Variants in ANLN observed in about 807,000 individuals in gnomAD.
The protein encoded by ANLN is anillin, actin binding protein, also known as anillin.
ANLN carries 59 observed loss-of-function variants against 135.1 expected under a neutral mutation model. The observed-to-expected ratio is 0.44, with a 90% CI of 0.35 to 0.54. ANLN has a LOEUF of 0.54. ANLN is among the 20% of genes least tolerant of loss of function. The pLI, the probability that ANLN is intolerant of heterozygous loss-of-function variation, is 0.00. For missense variants in ANLN, 1,182 were observed against 1,340.0 expected (o/e 0.88, Z 1.84); for synonymous variants, 406 against 456.4 (o/e 0.89, Z 1.41).
In ANLN at chr7:36,412,325, ATATTTT is replaced by A. The variant is rs1242772679; in HGVS notation, c.1395+1161_1395+1166del. On this transcript the variant is annotated intron_variant, in intron 7 of 23. Transcript: ENST00000265748. ...CAGAGAAATATATATATATATATATATATTTTTTTTTTTTTTTTTTGACATGGAGTT... is the reference window on the plus strand; with the variant it reads ...CAGAGAAATATATATATATATATATATTTTTTTTTTTTTTGACATGGAGTT... 6.4e-5 allele frequency among the ~76,000 whole-genome samples: 7 copies of A among 109,604 alleles called. 1 individual carries two copies. The highest frequency in any genetic ancestry group is 2.8e-4 in the South Asian group (1 of 3,590). 71.9% of individuals were successfully genotyped at this position (109,604 alleles called of 152,430 possible).
At chr7:36,430,089 T>C (rs1583638766) in intron 20 of ANLN, among the ~76,000 whole-genome samples, 1 of 152,210 alleles carries the variant, frequency 6.6e-6, no homozygotes, top group African/African-American at 2.4e-5. Flanking sequence ...TAGGAGAATA[T>C]CTAAAATAGT....
chr7:36,438,176 C>T (rs958597479), intron 20 of ANLN, among the ~76,000 whole-genome samples: 1 of 152,138 alleles, frequency 6.6e-6, no homozygotes, highest in Non-Finnish European at 1.5e-5. Context: ...GGTGAAGGTC[C>T]ACCATCACTC....
chr7:36,391,128 A>G (rs1188646995), intron 1 of ANLN, among the ~76,000 whole-genome samples: 4 of 152,186 alleles, frequency 2.6e-5, no homozygotes, highest in Non-Finnish European at 5.9e-5. Flanking sequence ...TCTGTTTCAA[A>G]TTCTTAATCA....
chr7:36,419,030 T>G (rs890511784), intron 9 of ANLN, among the ~76,000 whole-genome samples: 1 of 152,244 alleles, frequency 6.6e-6, no homozygotes, highest in African/African-American at 2.4e-5. Context: ...GTGCTGGGAT[T>G]ACCAATATTC....
At chr7:36,432,433 C>T (rs748629989) in intron 20 of ANLN, among the ~76,000 whole-genome samples, 64 of 152,192 alleles carry the variant, frequency 4.2e-4, no homozygotes, top group Non-Finnish European at 8.8e-4. Context: ...AGATCCTTCA[C>T]CTTCCTTTAA....
At chr7:36,442,788 C>T (rs770337099) in intron 21 of ANLN, among the ~76,000 whole-genome samples, 1 of 151,944 alleles carries the variant, frequency 6.6e-6, no homozygotes, top group Non-Finnish European at 1.5e-5. Context: ...CTCACCGCCA[C>T]GCCTGGCTAA....
At chr7:36,442,887 C>T (rs1788833359) in intron 21 of ANLN, among the ~76,000 whole-genome samples, 1 of 151,880 alleles carries the variant, frequency 6.6e-6, no homozygotes, top group Non-Finnish European at 1.5e-5. Flanking sequence ...GCCTCGGCCT[C>T]CCAAAGTGCT....
intron 1 of ANLN, 97 bp from the exon 2 acceptor site, chr7:36,396,169 T>G (rs887681631): frequency 9.4e-7 from 1 of 1,065,884 alleles, no homozygotes; most frequent in African/African-American, 1.6e-5. Flanking sequence ...TGTTTAACTG[T>G]CATCCTGTAT....
At position 36,426,576 on chromosome 7, in the gene ANLN, C is replaced by T. The variant is rs541680160; in HGVS notation, c.2771-340C>T. On this transcript the variant is annotated intron_variant, in intron 19 of 23. Coordinates refer to ENST00000265748, the MANE Select transcript of ANLN (RefSeq NM_018685.5). Reference sequence around the variant, plus strand: ...TGGTGCAAGAGAGTTACTAAGAGACCTGTACAGAGATAGTTTCTGCTGCTG... The same window carrying T: ...TGGTGCAAGAGAGTTACTAAGAGACTTGTACAGAGATAGTTTCTGCTGCTG... 1.4e-4 allele frequency among the ~76,000 whole-genome samples: 22 copies of T among 152,170 alleles called. No homozygotes were observed. In the South Asian group the frequency reaches 3.7e-3, roughly 26 times the overall value.
At chr7:36,431,617 A>ATATATATATATATATATATAT (rs141380630) in intron 20 of ANLN, among the ~76,000 whole-genome samples, 7 of 67,364 alleles carry the variant, frequency 1.0e-4, no homozygotes, top group East Asian at 4.0e-4. Flanking sequence ...ATATATATAT[A>ATATATATATATATATATATAT]ATATATATAT....
chr7:36,407,107 G>C lies in ANLN; in HGVS notation c.873+541G>C, dbSNP rs62445297. Among the ~76,000 whole-genome samples the C allele has an allele frequency of 2.6e-5, 4 of 152,106 alleles. 1 individual carries two copies. The South Asian group carries it at 8.3e-4, about 32-fold the overall frequency. On this transcript the variant is annotated intron_variant, in intron 4 of 23. Transcript: ENST00000265748. Reference sequence around the variant, plus strand: ...TTAAATAAAAAGGAAAAATAATTTCGTGTTTCTGACCATTGTCTTTTAGTG... The same window carrying C: ...TTAAATAAAAAGGAAAAATAATTTCCTGTTTCTGACCATTGTCTTTTAGTG...
chr7:36,390,022 G>A lies in ANLN; in HGVS notation c.-5G>A, dbSNP rs1424457329. ...CCATCGTCTCGTAGTCCGACGCCTG[G>A]GGCGATGGATCCGTTTACGGAGGTG... On this transcript the variant is annotated 5_prime_UTR_variant, in exon 1 of 24. Coordinates refer to ENST00000265748, the MANE Select transcript of ANLN (RefSeq NM_018685.5). The A allele has an allele frequency of 6.2e-7, 1 of 1,613,956 alleles. No homozygotes were observed. The highest frequency in any genetic ancestry group is 8.5e-7 in the Non-Finnish European group (1 of 1,179,978).
Position 36,399,204 on chromosome 7 carries a change from C to A in ANLN, c.298C>A (p.Pro100Thr), listed in dbSNP as rs1583594340. The A allele has an allele frequency of 6.2e-7, 1 of 1,614,124 alleles. No individual in the cohort carries two copies. Among genetic ancestry groups the A allele is most frequent in the East Asian group, 2.2e-5 (1 of 44,870 alleles). ...STSAKSCSPS[P>T]VSPQVQPQAA... ...ATCTGCAAAATCTTGTTCTCCAAGTCCTGTGTCTCCTCAGGTGCAGCCACA... is the reference window on the plus strand; with the variant it reads ...ATCTGCAAAATCTTGTTCTCCAAGTACTGTGTCTCCTCAGGTGCAGCCACA... The change falls in exon 3 of 24, where the codon CCT (proline) becomes ACT (threonine). Residue 100 changes from proline to threonine, a missense_variant. Physicochemically the swap from Pro to Thr is conservative, Grantham distance 38 (BLOSUM62 -1). Around this residue, in one of 3 missense-constraint regions of ANLN, gnomAD observed 1,022 missense variants for 1,134.0 expected, o/e 0.90. Coordinates refer to ENST00000265748, the MANE Select transcript of ANLN (RefSeq NM_018685.5).
rs376939835 is a variant in ANLN, at chr7:36,426,965, C to T, written c.2820C>T (p.Ala940=). The change falls in exon 20 of 24, where the codon GCC becomes GCT. Residue 940 remains alanine, a synonymous_variant. Coordinates refer to ENST00000265748, the MANE Select transcript of ANLN (RefSeq NM_018685.5). The part of the protein sequence containing the change: ...GLSAVRTSNF[A]LVGSYTLSLS... ...GTGCTGTGCGAACCAGCAACTTCGC[C>T]CTTGTTGGATCTTACACATTATCAT... The T allele has an allele frequency of 4.3e-6, 7 of 1,613,298 alleles. No individual in the cohort carries two copies. Among genetic ancestry groups the T allele is most frequent in the African/African-American group, 1.3e-5 (1 of 74,828 alleles).
intron 1 of ANLN, among the ~76,000 whole-genome samples, chr7:36,391,533 G>A (rs1300494987): frequency 1.3e-5 from 2 of 152,200 alleles, no homozygotes; most frequent in Non-Finnish European, 2.9e-5. Context: ...TGGAAAAACA[G>A]CTTAGACGTC....
At chr7:36,401,647 T>C (rs1786958669) in intron 3 of ANLN, among the ~76,000 whole-genome samples, 1 of 120,350 alleles carries the variant, frequency 8.3e-6, no homozygotes, top group Non-Finnish European at 1.8e-5. Flanking sequence ...CCACCTGATG[T>C]TTTTTGGCAC....
At chr7:36,433,003 A>T (rs1007498620) in intron 20 of ANLN, among the ~76,000 whole-genome samples, 1 of 152,052 alleles carries the variant, frequency 6.6e-6, no homozygotes, top group African/African-American at 2.4e-5. Context: ...TTTTTAAGAG[A>T]TGGGGTCTTG....
chr7:36,438,867 T>G (rs750667607), intron 20 of ANLN, among the ~76,000 whole-genome samples: 1 of 152,208 alleles, frequency 6.6e-6, no homozygotes, highest in Non-Finnish European at 1.5e-5. Flanking sequence ...TTGTGTGGTG[T>G]GAATTTACAG....
At chr7:36,419,546 T>C in intron 10 of ANLN, 67 bp downstream of exon 10, 4 of 1,340,020 alleles carry the variant, frequency 3.0e-6, no homozygotes, top group Non-Finnish European at 4.2e-6. Flanking sequence ...ATCTCCCCTT[T>C]CTTTTGTTGA....
Sources: allele counts gnomAD v4.1 joint callset (sites outside exome capture counted in the v4.1 genomes callset), GRCh38; gene constraint gnomAD v4.1.1; regional missense constraint gnomAD v4.1.1; transcripts MANE v1.5; gene names NCBI Gene and HGNC (gene_info 2026-07-23, HGNC 2026-07-21).